ANK2: variants seen among roughly 807,000 people sequenced by gnomAD.
ANK2 encodes ankyrin-2.
Under a neutral mutation model 360.5 loss-of-function variants are expected in ANK2, and 83 were observed. That is an observed-to-expected ratio of 0.23 (90% confidence interval 0.19 to 0.28). The LOEUF is 0.28. ANK2 is among the 10% of genes least tolerant of loss of function. ANK2 has a pLI of 1.00. For missense variants in ANK2, 4,201 were observed against 4,795.7 expected, an observed-to-expected ratio of 0.88 and a Z score of 3.66; for synonymous variants, 1,740 against 1,759.5, an observed-to-expected ratio of 0.99 and a Z score of 0.28.
intron 1 of ANK2, chr4:113,117,235 G>T: frequency 2.2e-6 from 1 of 452,920 alleles, no homozygotes; most frequent in South Asian, 1.6e-5. Flanking sequence ...CACCTGGATT[G>T]CTGGGGAGTG....
Position 113,240,885 on chromosome 4 carries a change from G to A in ANK2, c.792+302G>A, listed in dbSNP as rs913506958. On this transcript the variant is annotated intron_variant, in intron 8 of 45. Coordinates refer to ENST00000357077, the MANE Select transcript of ANK2 (RefSeq NM_001148.6). ...CATGCCATGAATCCTGATAAGTCAC[G>A]TCAAAAAATTATTAAACTGTTAAAA... Among the ~76,000 whole-genome samples the A allele has an allele frequency of 3.9e-5, 6 of 152,086 alleles. No homozygotes were observed. In the South Asian group the frequency reaches 6.2e-4, roughly 16 times the overall value.
intron 2 of ANK2, among the ~76,000 whole-genome samples, chr4:113,007,798 A>C (rs916684853): frequency 2.6e-5 from 4 of 152,180 alleles, no homozygotes; most frequent in Admixed American, 1.3e-4. Context: ...CACTACTTGC[A>C]CTTGACTAGT....
intron 1 of ANK2, among the ~76,000 whole-genome samples, chr4:112,893,578 A>G (rs566983703): frequency 7.8e-4 from 119 of 152,356 alleles, no homozygotes; most frequent in African/African-American, 2.8e-3. Context: ...ACACACTGTC[A>G]TAATAATGAC....
chr4:112,781,001 A>C, the ANK2 span, among the ~76,000 whole-genome samples: 1 of 152,158 alleles, frequency 6.6e-6, no homozygotes. Flanking sequence ...TTCTTAAAAA[A>C]AGTTATTATT....
In ANK2 at chr4:113,242,156, A is replaced by T; in HGVS notation, c.838A>T (p.Asn280Tyr). The change falls in exon 9 of 46, where the codon AAC becomes TAC. Residue 280 changes from asparagine to tyrosine, a missense_variant. By Grantham distance (143) the Asn-to-Tyr change is moderately radical. This residue lies in a region of ANK2 where 122 missense variants were observed against 239.3 expected (regional missense o/e 0.51). Transcript: ENST00000357077. ...TGTGGCTTCCAAAAGAGGAAATACA[A>T]ACATGGTGAAGCTCTTACTGGATCG... ...LHVASKRGNT[N>Y]MVKLLLDRGG... 1 of 1,614,048 alleles carries T rather than the reference A, an allele frequency of 6.2e-7. No homozygotes were observed. The highest frequency in any genetic ancestry group is 8.5e-7 in the Non-Finnish European group (1 of 1,179,964).
At chr4:113,315,855 C>A (rs926066286) in intron 24 of ANK2, among the ~76,000 whole-genome samples, 1 of 149,108 alleles carries the variant, frequency 6.7e-6, no homozygotes, top group African/African-American at 2.5e-5. Flanking sequence ...CACGATCGCG[C>A]CACTGCACTC....
At chr4:113,330,572 G>T in intron 27 of ANK2, 102 bp downstream of exon 27, 2 of 1,200,514 alleles carry the variant, frequency 1.7e-6, no homozygotes, top group Non-Finnish European at 2.4e-6. Flanking sequence ...AAACCATTTT[G>T]AAAGAGGATC....
At chr4:112,810,125 GTATATATATATATATATATA>G in the ANK2 span, among the ~76,000 whole-genome samples, 7 of 68,116 alleles carry the variant, frequency 1.0e-4, no homozygotes, top group Admixed American at 1.2e-3. Flanking sequence ...AATTTTTTGT[GTATATATATATATATATATA>G]TATATATATA....
chr4:113,285,477 G>A (rs1433602434), intron 18 of ANK2, among the ~76,000 whole-genome samples: 1 of 152,130 alleles, frequency 6.6e-6, no homozygotes, highest in Non-Finnish European at 1.5e-5. Context: ...CACTGGAGTG[G>A]CTCACAGAGC....
At chr4:113,228,489 T>C (rs1355362150) in intron 4 of ANK2, among the ~76,000 whole-genome samples, 4 of 152,214 alleles carry the variant, frequency 2.6e-5, no homozygotes, top group African/African-American at 9.6e-5. Flanking sequence ...TCCAATTCCA[T>C]CTAGGTTGCT....
chr4:112,928,144 T>A (rs2092785732), intron 2 of ANK2, among the ~76,000 whole-genome samples: 1 of 152,214 alleles, frequency 6.6e-6, no homozygotes, highest in Non-Finnish European at 1.5e-5. Context: ...GAATTCTGAT[T>A]ATACATTTAA....
chr4:112,711,081 C>A, the ANK2 span, among the ~76,000 whole-genome samples: 1 of 151,174 alleles, frequency 6.6e-6, no homozygotes, highest in East Asian at 1.9e-4. Context: ...TGAGCCACTG[C>A]GCCTGGCCAG....
At chr4:112,822,623 G>A (rs1319607871) in intron 1 of ANK2, among the ~76,000 whole-genome samples, 1 of 151,522 alleles carries the variant, frequency 6.6e-6, no homozygotes, top group Non-Finnish European at 1.5e-5. Flanking sequence ...GCATGCGCCT[G>A]TGGCCCCAGC....
intron 1 of ANK2, among the ~76,000 whole-genome samples, chr4:112,900,642 A>G (rs1259619398): frequency 6.6e-6 from 1 of 152,188 alleles, no homozygotes; most frequent in Non-Finnish European, 1.5e-5. Flanking sequence ...TTAAGCCAAT[A>G]TTAACCCAAC....
intron 10 of ANK2, among the ~76,000 whole-genome samples, chr4:113,253,042 A>G (rs754116008): frequency 3.3e-5 from 5 of 152,198 alleles, no homozygotes; most frequent in African/African-American, 4.8e-5. Flanking sequence ...GAATTCAAGC[A>G]ATTGGAAGAT....
intron 1 of ANK2, among the ~76,000 whole-genome samples, chr4:112,836,307 G>A (rs2060971400): frequency 6.6e-6 from 1 of 152,092 alleles, no homozygotes; most frequent in Non-Finnish European, 1.5e-5. Flanking sequence ...GTTTCCTGAG[G>A]CTTCCCCAGC....
At chr4:113,289,729 T>C (rs145819539) in intron 20 of ANK2, among the ~76,000 whole-genome samples, 2 of 152,366 alleles carry the variant, frequency 1.3e-5, no homozygotes, top group East Asian at 1.9e-4. Context: ...AAACTATAAA[T>C]AATACTATTA....
intron 2 of ANK2, among the ~76,000 whole-genome samples, chr4:112,915,410 G>A (rs574050272): frequency 3.4e-4 from 51 of 152,160 alleles, no homozygotes; most frequent in Admixed American, 1.6e-3. Flanking sequence ...AATATAAAAT[G>A]GGGTCTATTT....
the ANK2 span, among the ~76,000 whole-genome samples, chr4:112,799,914 A>C: frequency 1.7e-4 from 26 of 151,786 alleles, no homozygotes; most frequent in Non-Finnish European, 3.2e-4. Flanking sequence ...TACAACACAT[A>C]ACCTGTCTCA....
Sources: allele counts gnomAD v4.1 joint callset (sites outside exome capture counted in the v4.1 genomes callset), GRCh38; gene constraint gnomAD v4.1.1; regional missense constraint gnomAD v4.1.1; transcripts MANE v1.5; gene names NCBI Gene and HGNC (gene_info 2026-07-23, HGNC 2026-07-21).